The following IQCM variants were observed in gnomAD, a reference collection of about 807,000 sequenced individuals.
IQCM encodes IQ domain-containing protein M.
In IQCM, 45 loss-of-function variants were observed where a neutral mutation model predicts 57.6. The observed-to-expected ratio is 0.78, with a 90% CI of 0.62 to 1.00. The LOEUF (loss-of-function observed/expected upper bound fraction) is 1.00. IQCM is among the 50% of genes least tolerant of loss of function. The pLI is 0.00. For missense variants in IQCM, 468 were observed against 511.6 expected (o/e 0.91, Z 0.82); for synonymous variants, 148 against 158.9 (o/e 0.93, Z 0.51).
intron 13 of IQCM, among the ~76,000 whole-genome samples, chr4:149,412,354 T>TA (rs1181796321): frequency 6.6e-6 from 1 of 152,092 alleles, no homozygotes; most frequent in African/African-American, 2.4e-5. Flanking sequence ...TTTTGACCAT[T>TA]AAAAAACCAA....
chr4:149,688,812 C>T (rs115976121), intron 5 of IQCM, among the ~76,000 whole-genome samples: 3,711 of 151,966 alleles, frequency 0.024, 70 homozygotes, highest in Middle Eastern at 0.037. Flanking sequence ...TATTTACAGC[C>T]ATCTGATCTT....
At chr4:149,405,855 C>A in intron 13 of IQCM, among the ~76,000 whole-genome samples, 1 of 137,250 alleles carries the variant, frequency 7.3e-6, no homozygotes, top group African/African-American at 2.7e-5. Context: ...ATATATGCTC[C>A]AGATATATCT....
chr4:149,579,598 G>C (rs1424457006), intron 9 of IQCM, among the ~76,000 whole-genome samples: 1 of 151,898 alleles, frequency 6.6e-6, no homozygotes, highest in African/African-American at 2.4e-5. Context: ...GCCTGACCCT[G>C]CTCCTGCTTC....
At chr4:149,726,333 T>C (rs1057125222) in intron 5 of IQCM, among the ~76,000 whole-genome samples, 6 of 152,110 alleles carry the variant, frequency 3.9e-5, no homozygotes, top group South Asian at 2.1e-4. Context: ...CACCACCTGC[T>C]CTATCAATCC....
chr4:149,649,199 CCTTTT>C (rs1758936158), intron 7 of IQCM, among the ~76,000 whole-genome samples: 2 of 151,942 alleles, frequency 1.3e-5, no homozygotes, highest in African/African-American at 2.4e-5. Context: ...AAGGACCCCT[CCTTTT>C]CTTAAGGAGG....
chr4:149,707,258 GCTT>G (rs1764228814), intron 5 of IQCM, among the ~76,000 whole-genome samples: 1 of 152,048 alleles, frequency 6.6e-6, no homozygotes, highest in Non-Finnish European at 1.5e-5. Context: ...TGTGATTTTA[GCTT>G]CTTATTCAAA....
At chr4:149,485,965 T>G (rs1378812842) in intron 12 of IQCM, among the ~76,000 whole-genome samples, 2 of 151,700 alleles carry the variant, frequency 1.3e-5, no homozygotes. Flanking sequence ...TTATCTGGGT[T>G]ACCAGGCAGA....
intron 13 of IQCM, among the ~76,000 whole-genome samples, chr4:149,426,505 T>TGTGAGATCTGGG (rs1284124172): frequency 7.9e-5 from 12 of 151,836 alleles, no homozygotes; most frequent in Admixed American, 2.0e-4. Flanking sequence ...TTTCTGAGAG[T>TGTGAGATCTGGG]TAGGAATCTG....
intron 13 of IQCM, among the ~76,000 whole-genome samples, chr4:149,364,182 T>C (rs958777871): frequency 1.2e-4 from 19 of 152,230 alleles, no homozygotes; most frequent in African/African-American, 4.6e-4. Context: ...CCTTTCCCAT[T>C]GTACCTCACA....
chr4:149,668,273 C>T (rs566072841), intron 7 of IQCM, among the ~76,000 whole-genome samples: 33 of 152,234 alleles, frequency 2.2e-4, no homozygotes, highest in Admixed American at 1.7e-3. Flanking sequence ...GGCCAATATT[C>T]AACGTTCTTA....
chr4:149,545,202 G>A (rs1047251176), intron 12 of IQCM, among the ~76,000 whole-genome samples: 2 of 151,926 alleles, frequency 1.3e-5, no homozygotes, highest in Admixed American at 1.3e-4. Context: ...TTTAAAAAAC[G>A]AGCGGGACTA....
chr4:149,674,684 T>C (rs548321524), intron 7 of IQCM, among the ~76,000 whole-genome samples: 2 of 152,062 alleles, frequency 1.3e-5, no homozygotes, highest in African/African-American at 2.4e-5. Context: ...GAGTTTGACA[T>C]GTTAGGTTGG....
chr4:149,405,736 C>T (rs1311046836), intron 13 of IQCM, among the ~76,000 whole-genome samples: 1 of 150,596 alleles, frequency 6.6e-6, no homozygotes, highest in African/African-American at 2.4e-5. Flanking sequence ...AAGTCACAAA[C>T]TTGTTTTATT....
At chr4:149,669,223 A>G (rs1429696766) in intron 7 of IQCM, among the ~76,000 whole-genome samples, 2 of 152,096 alleles carry the variant, frequency 1.3e-5, no homozygotes, top group African/African-American at 4.8e-5. Flanking sequence ...CATTTCTCTG[A>G]TGGTCAGTGA....
At chr4:149,653,305 T>TA (rs1220218420) in intron 7 of IQCM, among the ~76,000 whole-genome samples, 1 of 152,092 alleles carries the variant, frequency 6.6e-6, no homozygotes, top group Non-Finnish European at 1.5e-5. Context: ...CAGACTCTCT[T>TA]ACCAAACACA....
intron 11 of IQCM, 28 bp from the exon 12 acceptor site, chr4:149,548,617 T>A: frequency 8.8e-7 from 1 of 1,139,894 alleles, no homozygotes; most frequent in Non-Finnish European, 1.1e-6. Flanking sequence ...TAAAAGAAAA[T>A]ATTTTTTTAA....
At chr4:149,459,034 C>T (rs1737997477) in intron 12 of IQCM, among the ~76,000 whole-genome samples, 1 of 152,114 alleles carries the variant, frequency 6.6e-6, no homozygotes, top group African/African-American at 2.4e-5. Flanking sequence ...GGTGTGAATC[C>T]CTGCCTGAGG....
Position 149,415,351 on chromosome 4 carries a change from A to G in IQCM, c.1390+18045T>C, listed in dbSNP as rs992603532. Reference sequence around the variant, plus strand: ...ACTGGGGAATCTTGTGCAAGACATCATTCTTTAAACTTCAGTTTTCTACTA... The same window carrying G: ...ACTGGGGAATCTTGTGCAAGACATCGTTCTTTAAACTTCAGTTTTCTACTA... On this transcript the variant is annotated intron_variant, in intron 13 of 13. Transcript: ENST00000636793. 1.7e-4 allele frequency among the ~76,000 whole-genome samples: 26 copies of G among 152,214 alleles called. 1 individual carries two copies. Among genetic ancestry groups the G allele is most frequent in the African/African-American group, 6.0e-4 (25 of 41,458 alleles).
chr4:149,456,072 A>G (rs1737672231), intron 12 of IQCM, among the ~76,000 whole-genome samples: 1 of 152,132 alleles, frequency 6.6e-6, no homozygotes, highest in African/African-American at 2.4e-5. Context: ...AAGAGATTAA[A>G]AAGAGAAAAG....
Sources: gnomAD v4.1 joint callset for allele counts (sites outside exome capture counted in the v4.1 genomes callset) on GRCh38, gnomAD v4.1.1 for gene constraint, MANE v1.5 for transcripts, NCBI Gene and HGNC (gene_info 2026-07-23, HGNC 2026-07-21) for gene names.